LRIG3: variants seen among roughly 807,000 people sequenced by gnomAD.
LRIG3 encodes the protein leucine rich repeats and immunoglobulin like domains 3.
Under a neutral mutation model 114.5 loss-of-function variants are expected in LRIG3, and 76 were observed. The observed-to-expected ratio is 0.66, with a 90% confidence interval of 0.55 to 0.80. LRIG3 has a LOEUF of 0.80. LRIG3 is among the 30% of genes least tolerant of loss of function. The pLI is 0.00. For missense variants in LRIG3, 1,239 were observed against 1,382.8 expected, an observed-to-expected ratio of 0.90 and a Z score of 1.65; for synonymous variants, 512 against 519.8, an observed-to-expected ratio of 0.98 and a Z score of 0.20.
At chr12:58,899,115 G>C (rs1371285396) in intron 3 of LRIG3, among the ~76,000 whole-genome samples, 1 of 152,224 alleles carries the variant, frequency 6.6e-6, no homozygotes, top group East Asian at 1.9e-4. Context: ...CACACCTTCA[G>C]GGCTTCTTTT....
In LRIG3 at chr12:58,882,862, T is replaced by C. The variant is rs746071397; in HGVS notation, c.1480+7A>G. 2.9e-5 allele frequency: 47 copies of C among 1,611,448 alleles called. No homozygotes were observed. Among genetic ancestry groups the C allele is most frequent in the South Asian group, 6.6e-5 (6 of 90,612 alleles). ...AAATAAAAGGCAAGGGCAATACTTA[T>C]ACTCACCACACACAAAGCCATCTGG... On this transcript the variant is annotated splice_region_variant and intron_variant, in intron 12 of 18. Transcript: ENST00000320743.
In LRIG3 at chr12:58,920,082, G is replaced by C; in HGVS notation, c.154C>G (p.Arg52Gly). The C allele has an allele frequency of 1.3e-6, 2 of 1,556,292 alleles. No homozygotes were observed. Among genetic ancestry groups the C allele is most frequent in the Non-Finnish European group, 1.7e-6 (2 of 1,150,302 alleles). ...AAERPCPTTCRCLGDLLDCSR... is the reference protein window; with the variant it reads ...AAERPCPTTCGCLGDLLDCSR... ...CAGTCCAGCAGGTCCCCGAGGCAGC[G>C]GCAGGTAGTGGGGCATGGGCGCTCG... Residue 52 changes from arginine (R) to glycine (G), a missense_variant, in exon 1 of 19, where the codon CGC becomes GGC. Transcript: ENST00000320743.
chr12:58,872,823 G>C lies in LRIG3; in HGVS notation c.3116-7C>G, dbSNP rs753109313. 1 of 1,608,754 alleles carries C rather than the reference G, an allele frequency of 6.2e-7. No homozygotes were observed. The highest frequency in any genetic ancestry group is 8.5e-7 in the Non-Finnish European group (1 of 1,176,780). On this transcript the variant is annotated splice_polypyrimidine_tract_variant and splice_region_variant and intron_variant, in intron 18 of 18. Transcript: ENST00000320743. ...AGAGCTTTTCCAAAGGTACCTGAAA[G>C]AAAGAAACACCTTGAGCACATGGGT...
rs371122124 is a variant in LRIG3 at position 58,880,799 on chromosome 12, G to T, written c.1583C>A (p.Ser528Tyr). Residue 528 changes from serine to tyrosine, a missense_variant, in exon 13 of 19, where the codon TCC becomes TAC. Physicochemically the swap from Ser to Tyr is moderately radical, Grantham distance 144 (BLOSUM62 -2). Coordinates refer to ENST00000320743, the MANE Select transcript of LRIG3 (RefSeq NM_153377.5). ...TTTTTTCCAAGCAAAAGTCATTGGG[G>T]AATCACTGCTGCTGGCAGCTGAGCA... ...FICSAASSSD[S>Y]PMTFAWKKDN... 3 of 1,614,176 alleles carry T rather than the reference G, an allele frequency of 1.9e-6. No homozygotes were observed. Among genetic ancestry groups the T allele is most frequent in the Non-Finnish European group, 2.5e-6 (3 of 1,180,032 alleles).
rs1212948669 is a variant in LRIG3, at chr12:58,890,011, G to C, written c.644C>G (p.Pro215Arg). Residue 215 changes from proline (P) to arginine (R), a missense_variant, in exon 5 of 19, where the codon CCC becomes CGC. Transcript: ENST00000320743. ...SAIPPKMFKL[P>R]QLQHLELNRN... The stretch of plus-strand genomic sequence containing the variant: ...TTTTACTTACAGATGTTGCAGTTGG[G>C]GCAGTTTAAACATCTTGGGTGGGAT... 1 of 1,613,416 alleles carries C rather than the reference G, an allele frequency of 6.2e-7. No homozygotes were observed. Among genetic ancestry groups the C allele is most frequent in the Non-Finnish European group, 8.5e-7 (1 of 1,179,626 alleles).
At chr12:58,900,823 C>G (rs911806180) in intron 3 of LRIG3, among the ~76,000 whole-genome samples, 3 of 152,116 alleles carry the variant, frequency 2.0e-5, no homozygotes, top group Non-Finnish European at 4.4e-5. Context: ...TTTATTTCAC[C>G]AGAATATTTA....
At chr12:58,919,586 C>G (rs1872597806) in intron 1 of LRIG3, 1 of 1,535,142 alleles carries the variant, frequency 6.5e-7, no homozygotes, top group Non-Finnish European at 8.8e-7. Flanking sequence ...CAGCTAGAAA[C>G]TAAAACTGAA....
intron 1 of LRIG3, 149 bp downstream of exon 1, chr12:58,919,851 C>G: frequency 1.1e-6 from 1 of 905,388 alleles, no homozygotes; most frequent in Non-Finnish European, 1.7e-6. Context: ...GTTCTTTTTC[C>G]ACGCCCACGG....
Position 58,920,491 on chromosome 12 carries a change from C to A in LRIG3, c.-256G>T. ...TTGAGCAGCGTCGGCTCGCCGAAGC[C>A]CCTTCTTGTCTGCAAAAGAAACTTT... is the stretch of plus-strand genomic sequence containing the variant. On this transcript the variant is annotated 5_prime_UTR_variant, in exon 1 of 19. Coordinates refer to ENST00000320743, the MANE Select transcript of LRIG3 (RefSeq NM_153377.5). The A allele has an allele frequency of 2.8e-6, 1 of 357,840 alleles. No homozygotes were observed. Among genetic ancestry groups the A allele is most frequent in the Non-Finnish European group, 5.0e-6 (1 of 200,520 alleles). The allele number at this position is 357,840 out of a possible 1,614,324, so 22.2% of individuals were successfully genotyped here.
intron 3 of LRIG3, among the ~76,000 whole-genome samples, chr12:58,909,919 T>A (rs1436176001): frequency 6.6e-6 from 1 of 152,166 alleles, no homozygotes; most frequent in Non-Finnish European, 1.5e-5. Context: ...TCCAAGTCAT[T>A]TGCCACACTA....
At position 58,880,408 on chromosome 12, in the gene LRIG3, T is replaced by A. The variant is rs575781479; in HGVS notation, c.1801+173A>T. ...TGTCGTCTTCAACATAATTGCAGGT[T>A]TAGATACAAATAACCAAGAATCTTA... On this transcript the variant is annotated intron_variant, in intron 13 of 18. Transcript: ENST00000320743. The A allele has an allele frequency of 1.1e-5, 8 of 743,092 alleles. No homozygotes were observed. The African/African-American group carries it at 1.4e-4, about 13-fold the overall frequency. The allele number at this position is 743,092 out of a possible 1,614,324, so 46.0% of individuals were successfully genotyped here. A position where few individuals can be genotyped will look rare whatever the true frequency, so the allele number is the denominator to read the frequency against.
chr12:58,910,597 G>A (rs1271989569), intron 3 of LRIG3, among the ~76,000 whole-genome samples: 1 of 152,022 alleles, frequency 6.6e-6, no homozygotes, highest in Non-Finnish European at 1.5e-5. Context: ...GACACTGCGA[G>A]ACTCCGTCTC....
chr12:58,888,690 T>C lies in LRIG3; in HGVS notation c.803+129A>G, dbSNP rs527395939. 41 of 1,362,520 alleles carry C rather than the reference T, an allele frequency of 3.0e-5. No individual in the cohort carries two copies. In the East Asian group the frequency reaches 8.9e-4, roughly 29 times the overall value. The allele number at this position is 1,362,520 out of a possible 1,614,324, so 84.4% of individuals were successfully genotyped here. ...TCACATTACCTGAATCAAAACTGAA[T>C]ACTGACTTATAAATAAGATTGTGGA... On this transcript the variant is annotated intron_variant, in intron 6 of 18. Coordinates refer to ENST00000320743, the MANE Select transcript of LRIG3 (RefSeq NM_153377.5).
rs796414821 is a variant in LRIG3, at chr12:58,903,820, G to A, written c.383+10162C>T. Among the ~76,000 whole-genome samples the A allele has an allele frequency of 3.5e-3, 535 of 152,012 alleles. 7 individuals are homozygous for A. The highest frequency in any genetic ancestry group is 0.012 in the African/African-American group (517 of 41,418). ...TTTCCCAGCAGCATTTATTAAATAG[G>A]GAATCCTTTCCCCATTGCTTGTTTT... On this transcript the variant is annotated intron_variant, in intron 3 of 18. Coordinates refer to ENST00000320743, the MANE Select transcript of LRIG3 (RefSeq NM_153377.5).
intron 4 of LRIG3, 80 bp downstream of exon 4, chr12:58,890,585 C>T: frequency 7.3e-7 from 1 of 1,376,686 alleles, no homozygotes; most frequent in Non-Finnish European, 9.7e-7. Context: ...GTAAAGTAGA[C>T]AAAGTTTGTT....
intron 3 of LRIG3, among the ~76,000 whole-genome samples, chr12:58,901,177 G>T (rs1871834924): frequency 6.6e-6 from 1 of 152,290 alleles, no homozygotes; most frequent in East Asian, 1.9e-4. Context: ...CCATGTAAAA[G>T]CAATTCTTAT....
intron 6 of LRIG3, 97 bp from the exon 7 acceptor site, chr12:58,888,569 G>T: frequency 6.9e-6 from 10 of 1,457,236 alleles, no homozygotes; most frequent in Non-Finnish European, 8.3e-6. Flanking sequence ...GATTCCTATT[G>T]TTATTAGATG....
At chr12:58,876,937 T>C (rs1230546619) in intron 15 of LRIG3, among the ~76,000 whole-genome samples, 3 of 152,236 alleles carry the variant, frequency 2.0e-5, no homozygotes, top group African/African-American at 7.2e-5. Context: ...GCTTGATTAT[T>C]GCCATATTCC....
chr12:58,900,999 C>T (rs770916256), intron 3 of LRIG3, among the ~76,000 whole-genome samples: 2 of 152,104 alleles, frequency 1.3e-5, no homozygotes, highest in Admixed American at 6.6e-5. Context: ...AACATAGAGA[C>T]GTGAATGACC....
Sources: allele counts gnomAD v4.1 joint callset (sites outside exome capture counted in the v4.1 genomes callset), GRCh38; gene constraint gnomAD v4.1.1; transcripts MANE v1.5; gene names NCBI Gene and HGNC (gene_info 2026-07-23, HGNC 2026-07-21).